Variants in WIPF1 observed in about 807,000 individuals in gnomAD.
WIPF1 encodes the protein WAS/WASL interacting protein family member 1, also known as WAS/WASL-interacting protein family member 1.
A neutral mutation model predicts 35.4 loss-of-function variants in WIPF1; 13 were observed. The observed-to-expected ratio is 0.37, with a 90% CI of 0.24 to 0.58. WIPF1 has a LOEUF of 0.58. Among genes scored for constraint, WIPF1 ranks in the 20% least tolerant of loss-of-function variants. The pLI is 0.74. For missense variants in WIPF1, 591 were observed against 667.0 expected (o/e 0.89, Z 1.25); for synonymous variants, 267 against 266.3 (o/e 1.00, Z -0.02).
At chr2:174,665,034 G>C (rs1415253275) in intron 1 of WIPF1, 2 of 152,066 alleles carry the variant, frequency 1.3e-5, no homozygotes, top group Non-Finnish European at 2.9e-5. Context: ...TTGATTACCA[G>C]TCTAGTTGCA....
chr2:174,604,182 G>A (rs146116451), intron 1 of WIPF1, among the ~76,000 whole-genome samples: 63 of 152,310 alleles, frequency 4.1e-4, no homozygotes, highest in African/African-American at 1.5e-3. Context: ...GGTATTGTTT[G>A]TGCCCAGCTT....
chr2:174,645,249 A>G (rs1429034697), intron 1 of WIPF1, among the ~76,000 whole-genome samples: 1 of 152,210 alleles, frequency 6.6e-6, no homozygotes, highest in Non-Finnish European at 1.5e-5. Flanking sequence ...CAATGAGGAG[A>G]TTAAGGTTCC....
At chr2:174,652,681 C>T (rs1260749523) in intron 1 of WIPF1, among the ~76,000 whole-genome samples, 2 of 152,062 alleles carry the variant, frequency 1.3e-5, no homozygotes, top group African/African-American at 2.4e-5. Context: ...ACTCAAACTC[C>T]TACCACAGCC....
chr2:174,582,391 G>A (rs1196613017), intron 2 of WIPF1, among the ~76,000 whole-genome samples: 1 of 152,194 alleles, frequency 6.6e-6, no homozygotes, highest in African/African-American at 2.4e-5. Flanking sequence ...GCTAGGTCTT[G>A]TCTGTCTCAG....
At chr2:174,676,084 C>A (rs1024806662) in intron 1 of WIPF1, among the ~76,000 whole-genome samples, 2 of 150,574 alleles carry the variant, frequency 1.3e-5, no homozygotes, top group Admixed American at 6.6e-5. Context: ...AGTAACTGGG[C>A]TACAGGCACA....
chr2:174,601,253 AC>A (rs922701772), upstream of WIPF1, among the ~76,000 whole-genome samples: 3 of 152,112 alleles, frequency 2.0e-5, no homozygotes, highest in African/African-American at 4.8e-5. Flanking sequence ...AAAGCTTAAG[AC>A]TGTTCCCCCT....
intron 7 of WIPF1, 85 bp downstream of exon 7, chr2:174,566,985 A>G: frequency 7.4e-7 from 1 of 1,350,884 alleles, no homozygotes; most frequent in Non-Finnish European, 1.0e-6. Flanking sequence ...CACTCCAGGC[A>G]AGAAGCCTGG....
chr2:174,585,636 G>C (rs999222413), intron 1 of WIPF1, 25 bp from the exon 2 acceptor site: 2 of 1,488,594 alleles, frequency 1.3e-6, no homozygotes, highest in African/African-American at 1.4e-5. Flanking sequence ...ATGCGATCAT[G>C]TATTAGATGT....
At chr2:174,628,589 T>A (rs767289099) in intron 1 of WIPF1, among the ~76,000 whole-genome samples, 1 of 152,258 alleles carries the variant, frequency 6.6e-6, no homozygotes, top group Non-Finnish European at 1.5e-5. Context: ...GCTGGAGTTC[T>A]GGAAGTTCCT....
chr2:174,624,594 T>C (rs1686772943), intron 1 of WIPF1, among the ~76,000 whole-genome samples: 1 of 152,154 alleles, frequency 6.6e-6, no homozygotes, highest in Non-Finnish European at 1.5e-5. Flanking sequence ...AATTGGGTGA[T>C]ATTCAAAATA....
chr2:174,661,205 G>C (rs546934896), intron 1 of WIPF1, among the ~76,000 whole-genome samples: 13 of 152,354 alleles, frequency 8.5e-5, no homozygotes, highest in African/African-American at 2.9e-4. Context: ...AGCCTGACCG[G>C]GCAGGCAGGT....
At chr2:174,599,411 G>A (rs1685921146), upstream of WIPF1, among the ~76,000 whole-genome samples, 1 of 152,186 alleles carries the variant, frequency 6.6e-6, no homozygotes, top group Admixed American at 6.5e-5. Flanking sequence ...CAGGCCATGG[G>A]CACAGTTCCT....
At chr2:174,607,360 A>G (rs1439531154) in intron 1 of WIPF1, among the ~76,000 whole-genome samples, 1 of 152,076 alleles carries the variant, frequency 6.6e-6, no homozygotes, top group Non-Finnish European at 1.5e-5. Context: ...CCGAGATCGC[A>G]CCACTGCACT....
At chr2:174,678,308 T>C (rs532340528) in intron 1 of WIPF1, among the ~76,000 whole-genome samples, 20 of 152,364 alleles carry the variant, frequency 1.3e-4, no homozygotes, top group Non-Finnish European at 2.4e-4. Flanking sequence ...CATAGCAACA[T>C]ATTCCTTCAA....
At position 174,562,394 on chromosome 2, in the gene WIPF1, T is replaced by A; in HGVS notation, c.*153A>T. 6.7e-7 allele frequency: 1 copy of A among 1,501,200 alleles called. No individual in the cohort carries two copies. Among genetic ancestry groups the A allele is most frequent in the Non-Finnish European group, 8.9e-7 (1 of 1,123,098 alleles). 93.0% of individuals were successfully genotyped at this position (1,501,200 alleles called of 1,614,324 possible). On this transcript the variant is annotated 3_prime_UTR_variant, in exon 8 of 8. Transcript: ENST00000679041. ...AAAAGCTAGGTGCATTTCTTACCGA[T>A]TCCCACCCACACACGCATATTCCCA...
chr2:174,676,106 T>A (rs926079958), intron 1 of WIPF1, among the ~76,000 whole-genome samples: 8 of 150,696 alleles, frequency 5.3e-5, no homozygotes, highest in Non-Finnish European at 1.2e-4. Context: ...ACAGCCACCA[T>A]GCCTGGCTTT....
At chr2:174,632,750 T>C (rs1687067084) in intron 1 of WIPF1, among the ~76,000 whole-genome samples, 1 of 135,886 alleles carries the variant, frequency 7.4e-6, no homozygotes, top group African/African-American at 2.6e-5. Flanking sequence ...ATCAGGCCCA[T>C]CTGGAAAGTA....
At chr2:174,632,674 A>C (rs1394279873) in intron 1 of WIPF1, among the ~76,000 whole-genome samples, 1 of 141,788 alleles carries the variant, frequency 7.1e-6, no homozygotes, top group African/African-American at 2.7e-5. Flanking sequence ...GTGCCACTGC[A>C]CTTCAACCTA....
At chr2:174,611,875 A>G (rs920573499) in intron 1 of WIPF1, among the ~76,000 whole-genome samples, 11 of 152,078 alleles carry the variant, frequency 7.2e-5, no homozygotes, top group African/African-American at 2.7e-4. Context: ...CCCACTTTTC[A>G]TAGTTTGATT....
Sources: allele counts gnomAD v4.1 joint callset (sites outside exome capture counted in the v4.1 genomes callset), GRCh38; gene constraint gnomAD v4.1.1; transcripts MANE v1.5; gene names NCBI Gene and HGNC (gene_info 2026-07-23, HGNC 2026-07-21).